The following STRAP variants were observed in gnomAD, a reference collection of about 807,000 sequenced individuals.
STRAP encodes serine-threonine kinase receptor-associated protein.
STRAP carries 16 observed loss-of-function variants against 47.0 expected under a neutral mutation model. The observed-to-expected ratio is 0.34, with a 90% CI of 0.23 to 0.52. The LOEUF is 0.52. Among genes scored for constraint, STRAP ranks in the 20% least tolerant of loss-of-function variants. STRAP has a pLI of 0.96. For missense variants in STRAP, 293 were observed against 420.0 expected (o/e 0.70, Z 2.64); for synonymous variants, 130 against 142.7 (o/e 0.91, Z 0.63).
intron 6 of STRAP, 42 bp from the exon 7 acceptor site, chr12:15,897,840 C>G: frequency 7.4e-7 from 1 of 1,351,884 alleles, no homozygotes; most frequent in South Asian, 1.7e-5. Context: ...GTTATTTATA[C>G]CATATTCAAG....
In STRAP at chr12:15,896,435, A is replaced by G. The variant is rs1012636455; in HGVS notation, c.638+939A>G. Among the ~76,000 whole-genome samples the G allele has an allele frequency of 2.6e-5, 4 of 152,210 alleles. No individual in the cohort carries two copies. The highest frequency in any genetic ancestry group is 5.9e-5 in the Non-Finnish European group (4 of 68,034). On this transcript the variant is annotated intron_variant, in intron 6 of 9. Transcript: ENST00000419869. This position sits in a 1 kb window ranked among gnomAD's most constrained non-coding sequence, Gnocchi z 4.1. ...ACTGGAATATATAACATAATTGAAA[A>G]AAATGTACCCACAATATTATACCCA...
intron 7 of STRAP, among the ~76,000 whole-genome samples, chr12:15,899,665 C>T (rs1033266430): frequency 2.0e-5 from 3 of 151,912 alleles, no homozygotes; most frequent in African/African-American, 7.3e-5. Context: ...GCCTCATTTG[C>T]TTTTTTTAGA....
rs1419791671 is a variant in STRAP at position 15,896,720 on chromosome 12, A to C, written c.639-1162A>C. Among the ~76,000 whole-genome samples the C allele has an allele frequency of 6.6e-6, 1 of 152,192 alleles. No homozygotes were observed. The highest frequency in any genetic ancestry group is 6.5e-5 in the Admixed American group (1 of 15,272). On this transcript the variant is annotated intron_variant, in intron 6 of 9. Transcript: ENST00000419869. The surrounding 1 kb of genome is among the most constrained non-coding windows in gnomAD (Gnocchi z 4.1). ...TTAGCACCACGGTGAATGTTCTAGC[A>C]CATCTCTGAGTGTTTCTTTACAGTA...
Position 15,903,244 on chromosome 12 carries a change from A to C in STRAP, c.*266A>C. ...AATGAATATATACAAGCCAACATCC[A>C]ATTTCTATTATTACAATTAGGGTTC... is the stretch of plus-strand genomic sequence containing the variant. On this transcript the variant is annotated 3_prime_UTR_variant, in exon 10 of 10. Coordinates refer to ENST00000419869, the MANE Select transcript of STRAP (RefSeq NM_007178.4). 3.4e-6 allele frequency: 1 copy of C among 290,756 alleles called. No homozygotes were observed. The highest frequency in any genetic ancestry group is 6.2e-6 in the Non-Finnish European group (1 of 160,026). The allele number at this position is 290,756 out of a possible 1,614,324, so 18.0% of individuals were successfully genotyped here.
chr12:15,885,118 A>G (rs901875245), intron 2 of STRAP, among the ~76,000 whole-genome samples: 16 of 151,052 alleles, frequency 1.1e-4, no homozygotes, highest in Non-Finnish European at 2.4e-4. Flanking sequence ...TGAAGGCAAT[A>G]TCAAGAACTG....
At chr12:15,898,817 C>T (rs1205446572) in intron 7 of STRAP, among the ~76,000 whole-genome samples, 3 of 151,924 alleles carry the variant, frequency 2.0e-5, no homozygotes, top group African/African-American at 7.3e-5. Flanking sequence ...TTCTAGCTGC[C>T]CTGCTTTACC....
At position 15,882,831 on chromosome 12, in the gene STRAP, C is replaced by G; in HGVS notation, c.112+12C>G. 6.2e-7 allele frequency: 1 copy of G among 1,607,848 alleles called. No individual in the cohort carries two copies. The highest frequency in any genetic ancestry group is 1.1e-5 in the South Asian group (1 of 89,992). ...CAGCGCTTGCAAAGGTGAGCAAGGC[C>G]GCAATCCTGGTCCTCGACGGCTGGG... On this transcript the variant is annotated intron_variant, in intron 1 of 9. Coordinates refer to ENST00000419869, the MANE Select transcript of STRAP (RefSeq NM_007178.4).
At chr12:15,882,897 G>A in intron 1 of STRAP, 78 bp downstream of exon 1, 3 of 1,469,824 alleles carry the variant, frequency 2.0e-6, no homozygotes, top group Non-Finnish European at 2.8e-6. Context: ...CTCCAGTGCC[G>A]AAGCGGTGGT....
intron 6 of STRAP, among the ~76,000 whole-genome samples, chr12:15,897,360 T>G (rs1227383336): frequency 6.6e-6 from 1 of 152,220 alleles, no homozygotes; most frequent in East Asian, 1.9e-4. Flanking sequence ...AGTCTTTTAC[T>G]GCCTTATAGT....
rs1460398680 is a variant in STRAP, at chr12:15,889,988, C to T, written c.309C>T (p.Val103=). 1 of 1,613,610 alleles carries T rather than the reference C, an allele frequency of 6.2e-7. No homozygotes were observed. Among genetic ancestry groups the T allele is most frequent in the Admixed American group, 1.7e-5 (1 of 60,008 alleles). ...TGACCCTGGCTCATAAACACATTGTCAAGACTGTGGATTTCACGCAGGTAT... is the reference window on the plus strand; with the variant it reads ...TGACCCTGGCTCATAAACACATTGTTAAGACTGTGGATTTCACGCAGGTAT... ...ELMTLAHKHI[V]KTVDFTQDSN... The change falls in exon 3 of 10, where the codon GTC becomes GTT. Residue 103 remains valine (V), a synonymous_variant. Transcript: ENST00000419869.
In STRAP at chr12:15,895,572, T is replaced by C; in HGVS notation, c.638+76T>C. ...TTGGCTACTTAAAAATGGGAAGGTA[T>C]TTACTTTTTTTAAAAGTAAAGAGGC... is the stretch of plus-strand genomic sequence containing the variant. On this transcript the variant is annotated intron_variant, in intron 6 of 9. Transcript: ENST00000419869. 7 of 1,503,486 alleles carry C rather than the reference T, an allele frequency of 4.7e-6. No individual in the cohort carries two copies. The South Asian group carries it at 9.0e-5, about 19-fold the overall frequency. 93.1% of individuals were successfully genotyped at this position (1,503,486 alleles called of 1,614,324 possible).
chr12:15,891,753 G>T (rs1215382580), intron 4 of STRAP, among the ~76,000 whole-genome samples: 1 of 152,096 alleles, frequency 6.6e-6, no homozygotes, highest in Non-Finnish European at 1.5e-5. Context: ...TACCAGCCTG[G>T]CCAACATGGT....
chr12:15,883,826 T>G lies in STRAP; in HGVS notation c.248+150T>G, dbSNP rs976441582. 24 of 1,049,760 alleles carry G rather than the reference T, an allele frequency of 2.3e-5. No individual in the cohort carries two copies. The South Asian group carries it at 4.0e-4, about 17-fold the overall frequency. The allele number at this position is 1,049,760 out of a possible 1,614,324, so 65.0% of individuals were successfully genotyped here. On this transcript the variant is annotated intron_variant, in intron 2 of 9. Transcript: ENST00000419869. ...TGATCCCACCAAAATTCCATCGTGG[T>G]CCATCGTGGTCCTGTGTGCTTCTTT...
rs1555146490 is a variant in STRAP, at chr12:15,902,908, T to TTTA, written c.992-9_992-8insTTA. The TTTA allele has an allele frequency of 1.1e-5, 16 of 1,493,950 alleles. No individual in the cohort carries two copies. The African/African-American group carries it at 2.3e-4, about 22-fold the overall frequency. The allele number at this position is 1,493,950 out of a possible 1,614,324, so 92.5% of individuals were successfully genotyped here. ...GACTTTTTTTTTTTTTTTTTTTTTT[T>TTTA]ACTTATAGAAGAAATTGCTTCAGAG... On this transcript the variant is annotated splice_polypyrimidine_tract_variant and intron_variant, in intron 9 of 9. Transcript: ENST00000419869.
rs763043813 is a variant in STRAP at position 15,899,876 on chromosome 12, A to T, written c.776-28A>T. ...ATCAATATTTAACCTAATAGTTAAA[A>T]TTATCTAATAGCCCTCTTCTTTTTC... On this transcript the variant is annotated intron_variant, in intron 7 of 9. Transcript: ENST00000419869. The T allele has an allele frequency of 1.9e-6, 3 of 1,601,166 alleles. No individual in the cohort carries two copies. The Admixed American group carries it at 5.2e-5, about 28-fold the overall frequency.
chr12:15,895,961 G>A (rs1044245332), intron 6 of STRAP, among the ~76,000 whole-genome samples: 3 of 151,510 alleles, frequency 2.0e-5, no homozygotes, highest in African/African-American at 4.9e-5. Flanking sequence ...GGTGGCTCAC[G>A]TCTGTAATCC....
In STRAP at chr12:15,890,428, T is replaced by A. The variant is rs1948005187; in HGVS notation, c.331-169T>A. On this transcript the variant is annotated intron_variant, in intron 3 of 9. Transcript: ENST00000419869. The surrounding 1 kb of genome is among the most constrained non-coding windows in gnomAD (Gnocchi z 4.5). Reference sequence around the variant, plus strand: ...TGGAAAGCTTACAAGTCTTGGCAGTTATGAGAGGTCAGCTGTTCCACAGTA... The same window carrying A: ...TGGAAAGCTTACAAGTCTTGGCAGTAATGAGAGGTCAGCTGTTCCACAGTA... 6.6e-6 allele frequency among the ~76,000 whole-genome samples: 1 copy of A among 152,198 alleles called. No homozygotes were observed. The highest frequency in any genetic ancestry group is 1.5e-5 in the Non-Finnish European group (1 of 68,032).
intron 4 of STRAP, among the ~76,000 whole-genome samples, chr12:15,892,114 T>A (rs187119340): frequency 1.1e-4 from 16 of 152,306 alleles, no homozygotes; most frequent in Admixed American, 1.0e-3. Flanking sequence ...TTAATGTGAA[T>A]ATTCATGAGA....
At chr12:15,901,101 T>G in intron 9 of STRAP, 89 bp downstream of exon 9, 1 of 909,562 alleles carries the variant, frequency 1.1e-6, no homozygotes, top group Non-Finnish European at 1.6e-6. Flanking sequence ...CAGAAGAAAT[T>G]TATTAAATAT....
Sources: gnomAD v4.1 joint callset for allele counts (sites outside exome capture counted in the v4.1 genomes callset) on GRCh38, gnomAD v4.1.1 for gene constraint, Gnocchi (gnomAD v3.1) non-coding constraint, MANE v1.5 for transcripts, NCBI Gene and HGNC (gene_info 2026-07-23, HGNC 2026-07-21) for gene names.